RTTN: variants seen among roughly 807,000 people sequenced by gnomAD.
RTTN encodes rotatin.
Under a neutral mutation model 269.2 loss-of-function variants are expected in RTTN, and 182 were observed. That is an observed-to-expected ratio of 0.68 (90% CI 0.60 to 0.76). The LOEUF is 0.76. Among genes scored for constraint, RTTN ranks in the 30% least tolerant of loss-of-function variants. The pLI is 0.00. For missense variants in RTTN, 2,545 were observed against 2,608.6 expected (o/e 0.98, Z 0.53); for synonymous variants, 1,006 against 963.5 (o/e 1.04, Z -0.82).
Position 70,149,954 on chromosome 18 carries a change from T to C in RTTN, c.2172+17A>G. The C allele has an allele frequency of 6.6e-7, 1 of 1,517,928 alleles. No homozygotes were observed. 94.0% of individuals were successfully genotyped at this position (1,517,928 alleles called of 1,614,324 possible). On this transcript the variant is annotated intron_variant, in intron 16 of 48. Transcript: ENST00000640769. ...CAAAGATAAATGGTATCATAAAAAGTGAATTTCACAGAATACCTGTAGTAT... is the reference window on the plus strand; with the variant it reads ...CAAAGATAAATGGTATCATAAAAAGCGAATTTCACAGAATACCTGTAGTAT...
At chr18:70,103,176 G>C (rs913732527) in intron 28 of RTTN, among the ~76,000 whole-genome samples, 3 of 152,146 alleles carry the variant, frequency 2.0e-5, no homozygotes, top group African/African-American at 7.2e-5. Flanking sequence ...TCTGGGAAGT[G>C]AGGAGCGCCT....
chr18:70,105,272 T>A (rs1367242552), intron 28 of RTTN, among the ~76,000 whole-genome samples: 1 of 152,178 alleles, frequency 6.6e-6, no homozygotes, highest in East Asian at 1.9e-4. Context: ...TGAGCGAGGC[T>A]CTATAGGCGT....
intron 35 of RTTN, among the ~76,000 whole-genome samples, 156 bp downstream of exon 35, chr18:70,065,673 T>C (rs915211936): frequency 6.6e-6 from 1 of 152,258 alleles, no homozygotes. Flanking sequence ...ATTTATTTTA[T>C]TAATTTCTGA....
At chr18:70,107,506 T>G (rs1168488166) in intron 28 of RTTN, among the ~76,000 whole-genome samples, 1 of 152,204 alleles carries the variant, frequency 6.6e-6, no homozygotes, top group Non-Finnish European at 1.5e-5. Context: ...TATATCACAG[T>G]AGAAATATTT....
chr18:70,161,272 G>T (rs2060821802), intron 14 of RTTN, among the ~76,000 whole-genome samples: 3 of 152,138 alleles, frequency 2.0e-5, no homozygotes, highest in Admixed American at 1.3e-4. Flanking sequence ...AGTAAACAGT[G>T]CTGGAATAAC....
Position 70,166,944 on chromosome 18 carries a change from C to T in RTTN, c.1777G>A (p.Glu593Lys), listed in dbSNP as rs371732895. The change falls in exon 13 of 49, where the codon GAA (glutamate) becomes AAA (lysine). Residue 593 changes from glutamate (E) to lysine (K), a missense_variant. Physicochemically the swap from Glu to Lys is moderately conservative, Grantham distance 56. Transcript: ENST00000640769. ...SYHQHFPLIK[E>K]IISICSKIWK... ...ATCTTTGAACAAATGCTGATGATTT[C>T]CTTTATTAGCGGGAAATGCTGATGA... is the stretch of plus-strand genomic sequence containing the variant. The T allele has an allele frequency of 1.3e-4, 212 of 1,612,606 alleles. 5 individuals are homozygous for T. The Middle Eastern group carries it at 1.7e-3, about 13-fold the overall frequency.
intron 30 of RTTN, 58 bp from the exon 31 acceptor site, chr18:70,088,205 T>C: frequency 6.8e-7 from 1 of 1,465,660 alleles, no homozygotes; most frequent in Non-Finnish European, 9.2e-7. Context: ...TAACATGAAT[T>C]CTTAGTTTTT....
At chr18:70,125,176 C>A (rs2145592609) in intron 25 of RTTN, among the ~76,000 whole-genome samples, 1 of 152,014 alleles carries the variant, frequency 6.6e-6, no homozygotes, top group Non-Finnish European at 1.5e-5. Context: ...TTTTAGAAAC[C>A]ATGTTTTTTG....
chr18:70,100,074 T>G (rs1008843506), intron 28 of RTTN, among the ~76,000 whole-genome samples: 5 of 152,178 alleles, frequency 3.3e-5, no homozygotes, highest in Non-Finnish European at 5.9e-5. Flanking sequence ...CTCTTTTTTA[T>G]TTCCATTTGA....
intron 12 of RTTN, 55 bp downstream of exon 12, chr18:70,168,800 A>T: frequency 1.5e-6 from 2 of 1,333,956 alleles, no homozygotes; most frequent in Non-Finnish European, 2.1e-6. Flanking sequence ...AGTATAGATT[A>T]AATTTTCAAA....
chr18:70,103,920 A>AT (rs2059250319), intron 28 of RTTN, among the ~76,000 whole-genome samples: 1 of 151,716 alleles, frequency 6.6e-6, no homozygotes. Context: ...TGCCCTTAAT[A>AT]TTTTTTCTGT....
intron 47 of RTTN, 80 bp from the exon 48 acceptor site, chr18:70,005,347 C>G: frequency 1.1e-6 from 1 of 909,338 alleles, no homozygotes; most frequent in Non-Finnish European, 1.8e-6. Context: ...CCATTGCTAA[C>G]TACAGTATTA....
chr18:70,052,673 T>A (rs1410358420), intron 38 of RTTN, among the ~76,000 whole-genome samples: 1 of 121,486 alleles, frequency 8.2e-6, no homozygotes. Context: ...ATGTGTCAAT[T>A]TACATACATA....
At chr18:70,140,846 T>C (rs1293368639) in intron 19 of RTTN, among the ~76,000 whole-genome samples, 2 of 152,170 alleles carry the variant, frequency 1.3e-5, no homozygotes, top group African/African-American at 4.8e-5. Context: ...AAACTGTAAT[T>C]GATTATATAT....
At chr18:70,149,094 A>C in intron 16 of RTTN, 57 bp from the exon 17 acceptor site, 5 of 1,488,576 alleles carry the variant, frequency 3.4e-6, no homozygotes, top group Non-Finnish European at 4.6e-6. Context: ...TAACTTTTCA[A>C]CTTGAAAATA....
At chr18:70,067,171 T>TC (rs1016863452) in intron 34 of RTTN, among the ~76,000 whole-genome samples, 3 of 151,546 alleles carry the variant, frequency 2.0e-5, no homozygotes, top group Non-Finnish European at 4.4e-5. Flanking sequence ...TTATTTTTTT[T>TC]TTTTTTGAGA....
chr18:70,016,290 A>AAAC (rs2056534876), intron 46 of RTTN, among the ~76,000 whole-genome samples: 1 of 152,254 alleles, frequency 6.6e-6, no homozygotes, highest in Non-Finnish European at 1.5e-5. Flanking sequence ...GAAAAGTTTA[A>AAAC]GTGAAAAACA....
At chr18:70,152,886 C>T (rs993578620) in intron 14 of RTTN, among the ~76,000 whole-genome samples, 1 of 152,152 alleles carries the variant, frequency 6.6e-6, no homozygotes, top group Non-Finnish European at 1.5e-5. Context: ...CATCAGATCA[C>T]GTTAAAATCA....
chr18:70,172,705 A>G (rs1284879079), intron 11 of RTTN, among the ~76,000 whole-genome samples: 6 of 152,124 alleles, frequency 3.9e-5, no homozygotes, highest in African/African-American at 1.4e-4. Flanking sequence ...AAAAAAAAGC[A>G]TGGAAAATTA....
Sources: allele counts gnomAD v4.1 joint callset (sites outside exome capture counted in the v4.1 genomes callset), GRCh38; gene constraint gnomAD v4.1.1; transcripts MANE v1.5; gene names NCBI Gene and HGNC (gene_info 2026-07-23, HGNC 2026-07-21).